ITPR2: variants seen among roughly 807,000 people sequenced by gnomAD.
The protein encoded by ITPR2 is inositol 1,4,5-trisphosphate-gated calcium channel ITPR2.
A neutral mutation model predicts 317.1 loss-of-function variants in ITPR2; 207 were observed. That is an observed-to-expected ratio of 0.65 (90% CI 0.58 to 0.73). The LOEUF (loss-of-function observed/expected upper bound fraction) is 0.73, where lower values mean the gene tolerates loss of function less well. Ranked by LOEUF, ITPR2 falls within the 30% of genes least tolerant of loss-of-function variation. The probability of loss-of-function intolerance (pLI) is 0.00; values close to 1 mark genes in which losing one functional copy is unlikely to be tolerated. For synonymous variants in ITPR2, 1,156 were observed against 1,149.1 expected (o/e 1.01, Z -0.12); for missense variants, 2,613 against 3,284.0 (o/e 0.80, Z 4.99).
At chr12:26,356,593 A>G (rs1199375801) in intron 55 of ITPR2, among the ~76,000 whole-genome samples, 1 of 152,256 alleles carries the variant, frequency 6.6e-6, no homozygotes. Flanking sequence ...TGGAGTGTGG[A>G]AACAACTGTT....
intron 35 of ITPR2, among the ~76,000 whole-genome samples, chr12:26,559,355 A>T (rs1944750570): frequency 6.6e-6 from 1 of 152,236 alleles, no homozygotes; most frequent in Non-Finnish European, 1.5e-5. Context: ...AACAACAGAA[A>T]TTATTTCTCA....
At chr12:26,702,765 T>C (rs1228909599) in intron 9 of ITPR2, among the ~76,000 whole-genome samples, 6 of 152,186 alleles carry the variant, frequency 3.9e-5, no homozygotes, top group African/African-American at 1.4e-4. Context: ...CCCTAAACTA[T>C]CCTGTTGGAT....
intron 5 of ITPR2, chr12:26,721,395 T>C (rs372241046): frequency 5.6e-6 from 3 of 533,014 alleles, no homozygotes; most frequent in Non-Finnish European, 3.5e-6. Context: ...AGATTCACGA[T>C]AAAGACATTC....
At chr12:26,491,219 C>T (rs144622621) in intron 39 of ITPR2, among the ~76,000 whole-genome samples, 2 of 151,894 alleles carry the variant, frequency 1.3e-5, no homozygotes, top group Non-Finnish European at 2.9e-5. Flanking sequence ...TGTGGTGGCT[C>T]ACACCTGTAA....
chr12:26,596,373 G>GT (rs1276163612), intron 31 of ITPR2, among the ~76,000 whole-genome samples: 5 of 152,224 alleles, frequency 3.3e-5, no homozygotes, highest in Non-Finnish European at 7.3e-5. Flanking sequence ...TAGGCTGGCT[G>GT]TGGTGGCTCA....
intron 2 of ITPR2, among the ~76,000 whole-genome samples, chr12:26,789,250 GAAAT>G (rs1950304924): frequency 6.6e-6 from 1 of 152,136 alleles, no homozygotes; most frequent in Non-Finnish European, 1.5e-5. Flanking sequence ...TAGAGAAAAT[GAAAT>G]AAATAAAACA....
chr12:26,405,953 A>C (rs907758198), intron 52 of ITPR2, among the ~76,000 whole-genome samples: 1 of 152,188 alleles, frequency 6.6e-6, no homozygotes, highest in African/African-American at 2.4e-5. Context: ...GCAAGACTCC[A>C]TCACAAAAAA....
At chr12:26,345,311 T>C (rs1429919215) in intron 55 of ITPR2, among the ~76,000 whole-genome samples, 1 of 152,194 alleles carries the variant, frequency 6.6e-6, no homozygotes, top group Non-Finnish European at 1.5e-5. Flanking sequence ...TTGAAGTGGA[T>C]ACATTTCAAA....
chr12:26,386,980 C>T (rs762583987), intron 55 of ITPR2, among the ~76,000 whole-genome samples: 7 of 152,056 alleles, frequency 4.6e-5, no homozygotes, highest in Admixed American at 2.0e-4. Context: ...AGTGCTCTCC[C>T]ATTAGGACTG....
At chr12:26,735,259 C>T (rs1159599171) in intron 2 of ITPR2, among the ~76,000 whole-genome samples, 1 of 152,160 alleles carries the variant, frequency 6.6e-6, no homozygotes, top group Non-Finnish European at 1.5e-5. Context: ...GCCTTGGCCT[C>T]CCAAAGTGCT....
At chr12:26,351,664 A>G (rs149184109) in intron 55 of ITPR2, among the ~76,000 whole-genome samples, 15 of 152,246 alleles carry the variant, frequency 9.9e-5, no homozygotes, top group African/African-American at 3.6e-4. Flanking sequence ...CAAAAAAGGA[A>G]GAGACTGTTG....
intron 2 of ITPR2, among the ~76,000 whole-genome samples, chr12:26,789,930 CAGAT>C (rs1950315031): frequency 6.6e-6 from 1 of 152,094 alleles, no homozygotes; most frequent in African/African-American, 2.4e-5. Context: ...TTCCTTTTAA[CAGAT>C]AGACCATTGT....
chr12:26,495,309 T>A (rs2136874289), intron 37 of ITPR2, 49 bp from the exon 38 acceptor site: 4 of 1,035,678 alleles, frequency 3.9e-6, no homozygotes, highest in Admixed American at 2.1e-5. Context: ...CTAATAAAAG[T>A]GAAAAATGTC....
At chr12:26,782,822 C>T (rs1950120703) in intron 2 of ITPR2, among the ~76,000 whole-genome samples, 1 of 152,170 alleles carries the variant, frequency 6.6e-6, no homozygotes, top group African/African-American at 2.4e-5. Flanking sequence ...TTTCAGTCTT[C>T]AACAACAACA....
chr12:26,737,553 T>C (rs1186656295), intron 2 of ITPR2, among the ~76,000 whole-genome samples: 5 of 152,170 alleles, frequency 3.3e-5, no homozygotes, highest in Non-Finnish European at 7.4e-5. Flanking sequence ...GCACCTGGCC[T>C]ACCTTCTATT....
intron 21 of ITPR2, among the ~76,000 whole-genome samples, chr12:26,643,639 G>A (rs1490256922): frequency 1.3e-5 from 2 of 152,202 alleles, no homozygotes; most frequent in African/African-American, 2.4e-5. Context: ...ACATCTTACT[G>A]GAAACTACAG....
chr12:26,777,953 T>C (rs1049850519), intron 2 of ITPR2, among the ~76,000 whole-genome samples: 1 of 152,206 alleles, frequency 6.6e-6, no homozygotes, highest in African/African-American at 2.4e-5. Flanking sequence ...CTGACATTGA[T>C]TCCAGGGGAC....
At chr12:26,724,373 G>A (rs1948885258) in intron 4 of ITPR2, among the ~76,000 whole-genome samples, 1 of 152,252 alleles carries the variant, frequency 6.6e-6, no homozygotes, top group South Asian at 2.1e-4. Flanking sequence ...TTCAGAACAG[G>A]CCTTTAGAAA....
At position 26,578,764 on chromosome 12, in the gene ITPR2, G is replaced by A; in HGVS notation, c.4579C>T (p.Pro1527Ser). The A allele has an allele frequency of 1.9e-6, 3 of 1,611,416 alleles. No individual in the cohort carries two copies. Among genetic ancestry groups the A allele is most frequent in the Non-Finnish European group, 2.5e-6 (3 of 1,178,022 alleles). The change falls in exon 34 of 57, where the codon CCA becomes TCA. Residue 1527 changes from proline (P) to serine (S), a missense_variant. This residue lies in a region of ITPR2 where 926 missense variants were observed against 1,072.8 expected (regional missense o/e 0.86). Transcript: ENST00000381340. ...FRIYNCTWPNPAQKASVESCI... is the reference protein window; with the variant it reads ...FRIYNCTWPNSAQKASVESCI... ...GATTCCACTGAGGCTTTCTGCGCTG[G>A]GTTTGGCCAGGTGCAATTGTAAATT...
Sources: allele counts gnomAD v4.1 joint callset (sites outside exome capture counted in the v4.1 genomes callset), GRCh38; gene constraint gnomAD v4.1.1; regional missense constraint gnomAD v4.1.1; transcripts MANE v1.5; gene names NCBI Gene and HGNC (gene_info 2026-07-23, HGNC 2026-07-21).